Variants in CEP112 observed in about 807,000 individuals in gnomAD.
CEP112 encodes the protein centrosomal protein 112, also known as centrosomal protein of 112 kDa.
CEP112 carries 127 observed loss-of-function variants against 153.0 expected under a neutral mutation model. That is an observed-to-expected ratio of 0.83 (90% confidence interval 0.72 to 0.96). The LOEUF is 0.96. CEP112 is among the 40% of genes least tolerant of loss of function. The probability of loss-of-function intolerance (pLI) is 0.00; values close to 1 mark genes in which losing one functional copy is unlikely to be tolerated. For synonymous variants in CEP112, 358 were observed against 374.4 expected (o/e 0.96, Z 0.51); for missense variants, 1,089 against 1,101.2 (o/e 0.99, Z 0.16).
chr17:66,016,517 G>A (rs2064781183), intron 16 of CEP112, among the ~76,000 whole-genome samples: 1 of 152,034 alleles, frequency 6.6e-6, no homozygotes, highest in Non-Finnish European at 1.5e-5. Flanking sequence ...TCAAGCCACA[G>A]CCTGCTTCAC....
intron 12 of CEP112, among the ~76,000 whole-genome samples, chr17:66,031,486 G>GTT (rs71160520): frequency 0.018 from 376 of 21,416 alleles, 4 homozygotes; most frequent in African/African-American, 0.051. Context: ...TTTTTTTTTT[G>GTT]TTTTTTTTTT....
intron 21 of CEP112, among the ~76,000 whole-genome samples, chr17:65,766,195 A>G (rs2052958739): frequency 1.4e-5 from 2 of 139,270 alleles, no homozygotes; most frequent in Admixed American, 7.4e-5. Context: ...GAAGAATTCA[A>G]TGAATGAAAT....
At chr17:65,982,989 T>C (rs2063282205) in intron 17 of CEP112, among the ~76,000 whole-genome samples, 1 of 152,188 alleles carries the variant, frequency 6.6e-6, no homozygotes. Flanking sequence ...TATGATTCCA[T>C]TTCTATGACA....
At chr17:66,101,181 T>C (rs1349991936) in intron 6 of CEP112, among the ~76,000 whole-genome samples, 1 of 152,112 alleles carries the variant, frequency 6.6e-6, no homozygotes, top group Admixed American at 6.5e-5. Context: ...ACTTTATTTA[T>C]TTATATATTT....
At chr17:65,724,860 T>C (rs539191021) in intron 23 of CEP112, among the ~76,000 whole-genome samples, 1 of 152,250 alleles carries the variant, frequency 6.6e-6, no homozygotes, top group East Asian at 1.9e-4. Flanking sequence ...CCTTTACCCC[T>C]CTTCCACTGC....
At chr17:65,684,543 A>G (rs1218310489) in intron 24 of CEP112, among the ~76,000 whole-genome samples, 1 of 151,996 alleles carries the variant, frequency 6.6e-6, no homozygotes, top group Admixed American at 6.6e-5. Flanking sequence ...TAGACTATTT[A>G]TTTTCTTCCT....
chr17:65,839,376 T>C (rs1257576314), intron 21 of CEP112, among the ~76,000 whole-genome samples: 2 of 152,016 alleles, frequency 1.3e-5, no homozygotes, highest in Non-Finnish European at 2.9e-5. Flanking sequence ...GTAAATGTGA[T>C]ACATCACATT....
At chr17:65,674,911 G>C (rs1230062704) in intron 24 of CEP112, among the ~76,000 whole-genome samples, 1 of 152,134 alleles carries the variant, frequency 6.6e-6, no homozygotes, top group Non-Finnish European at 1.5e-5. Flanking sequence ...ATGGTTACGA[G>C]ACTTAGACTT....
intron 6 of CEP112, among the ~76,000 whole-genome samples, chr17:66,098,118 T>G (rs2068422942): frequency 6.6e-6 from 1 of 152,216 alleles, no homozygotes; most frequent in South Asian, 2.1e-4. Context: ...CAAACCAGAT[T>G]CAAATAAGGC....
intron 21 of CEP112, among the ~76,000 whole-genome samples, chr17:65,847,873 G>A (rs1015648736): frequency 6.6e-6 from 1 of 152,198 alleles, no homozygotes; most frequent in Non-Finnish European, 1.5e-5. Flanking sequence ...AAAAAATCAT[G>A]TGGAGAAGCA....
intron 24 of CEP112, chr17:65,655,247 C>T (rs966630324): frequency 7.4e-5 from 70 of 950,406 alleles, no homozygotes; most frequent in South Asian, 4.0e-4. Flanking sequence ...CCGGAGAATA[C>T]GGTGATCTAT....
intron 21 of CEP112, among the ~76,000 whole-genome samples, chr17:65,756,378 C>T (rs1005959243): frequency 3.6e-5 from 5 of 137,782 alleles, no homozygotes; most frequent in Non-Finnish European, 6.1e-5. Flanking sequence ...TGCACTCCAG[C>T]CTGTGTGATG....
intron 21 of CEP112, among the ~76,000 whole-genome samples, chr17:65,777,252 G>A (rs907493171): frequency 1.3e-5 from 2 of 152,168 alleles, no homozygotes; most frequent in Non-Finnish European, 2.9e-5. Context: ...GTTGAGGACT[G>A]CACCACAGGG....
chr17:65,797,287 A>T (rs989037294), intron 21 of CEP112: 1 of 152,204 alleles, frequency 6.6e-6, no homozygotes, highest in Non-Finnish European at 1.5e-5. Context: ...GTTGATATTC[A>T]TCTGCAAAGG....
At chr17:65,891,050 G>A (rs1311899104) in intron 20 of CEP112, among the ~76,000 whole-genome samples, 1 of 152,190 alleles carries the variant, frequency 6.6e-6, no homozygotes, top group East Asian at 1.9e-4. Context: ...GCTTGAGGGA[G>A]AAACCATTCC....
chr17:65,933,771 G>A (rs1272130056), intron 18 of CEP112, among the ~76,000 whole-genome samples: 3 of 152,132 alleles, frequency 2.0e-5, no homozygotes, highest in Non-Finnish European at 2.9e-5. Context: ...AAACTCAATG[G>A]TATAAGTAAT....
At chr17:65,845,251 G>A (rs907116378) in intron 21 of CEP112, among the ~76,000 whole-genome samples, 1 of 152,178 alleles carries the variant, frequency 6.6e-6, no homozygotes, top group African/African-American at 2.4e-5. Context: ...TCTGGGAGGT[G>A]GAGGTTGTGG....
At chr17:65,788,485 T>C (rs1447880646) in intron 21 of CEP112, among the ~76,000 whole-genome samples, 1 of 152,180 alleles carries the variant, frequency 6.6e-6, no homozygotes, top group African/African-American at 2.4e-5. Context: ...TTCTGTTCCT[T>C]GAATGTTTGG....
intron 16 of CEP112, among the ~76,000 whole-genome samples, chr17:66,014,644 G>A (rs1186738610): frequency 6.6e-6 from 1 of 152,098 alleles, no homozygotes; most frequent in African/African-American, 2.4e-5. Context: ...GGATTCCAGA[G>A]GTCCAAAGCA....
Sources: gnomAD v4.1 joint callset for allele counts (sites outside exome capture counted in the v4.1 genomes callset) on GRCh38, gnomAD v4.1.1 for gene constraint, MANE v1.5 for transcripts, NCBI Gene and HGNC (gene_info 2026-07-23, HGNC 2026-07-21) for gene names.